The following INPP4B variants were observed in gnomAD, a reference collection of about 807,000 sequenced individuals.
INPP4B encodes inositol polyphosphate 4-phosphatase type II.
Under a neutral mutation model 122.5 loss-of-function variants are expected in INPP4B, and 55 were observed. The observed-to-expected ratio is 0.45, with a 90% CI of 0.36 to 0.56. The LOEUF is 0.56. INPP4B is among the 20% of genes least tolerant of loss of function. The pLI, the probability that INPP4B is intolerant of heterozygous loss-of-function variation, is 0.00. For synonymous variants in INPP4B, 403 were observed against 388.7 expected (o/e 1.04, Z -0.43); for missense variants, 1,000 against 1,097.7 (o/e 0.91, Z 1.26).
rs567984467 is a variant in INPP4B at position 142,236,794 on chromosome 4, A to G, written c.836+1070T>C. Among the ~76,000 whole-genome samples, 7 of 152,300 alleles carry G rather than the reference A, an allele frequency of 4.6e-5. No homozygotes were observed. The South Asian group carries it at 8.3e-4, about 18-fold the overall frequency. On this transcript the variant is annotated intron_variant, in intron 12 of 25. Transcript: ENST00000262992. ...TCAATATGGAATCCCTACGGGCTTC[A>G]GAGTCGACCAAAAGAGTAAAATACT...
In INPP4B at chr4:142,820,070, A is replaced by G. The variant is rs374869035; in HGVS notation, c.-254+26139T>C. Among the ~76,000 whole-genome samples the G allele has an allele frequency of 7.2e-5, 11 of 152,112 alleles. No individual in the cohort carries two copies. The East Asian group carries it at 1.9e-3, about 27-fold the overall frequency. ...CTCAGGCTCTGCTCCTGAAAGTCCA[A>G]CATAAAACAGTGTACCTCCAGGTTA... On this transcript the variant is annotated intron_variant, in intron 1 of 25. Transcript: ENST00000262992.
At chr4:142,095,392 T>G (rs1391895300) in intron 23 of INPP4B, among the ~76,000 whole-genome samples, 1 of 152,198 alleles carries the variant, frequency 6.6e-6, no homozygotes, top group Admixed American at 6.5e-5. Flanking sequence ...ATTTGTTAAT[T>G]GTCTTTAATT....
chr4:142,159,707 G>C (rs1203657882), intron 17 of INPP4B, among the ~76,000 whole-genome samples: 2 of 151,900 alleles, frequency 1.3e-5, no homozygotes, highest in African/African-American at 4.8e-5. Context: ...ATAACACCCT[G>C]TTCCTCTGCC....
intron 12 of INPP4B, among the ~76,000 whole-genome samples, chr4:142,225,487 G>A (rs1354695232): frequency 4.7e-5 from 7 of 150,210 alleles, no homozygotes; most frequent in African/African-American, 1.7e-4. Flanking sequence ...TATTAGTTCT[G>A]TCCCTCTAGA....
Position 142,272,259 on chromosome 4 carries a change from A to T in INPP4B, c.504-1485T>A, listed in dbSNP as rs1001294538. Among the ~76,000 whole-genome samples the T allele has an allele frequency of 6.6e-5, 10 of 152,216 alleles. No individual in the cohort carries two copies. The East Asian group carries it at 1.7e-3, about 26-fold the overall frequency. ...GTTTACCAAAATGCTAATTAAAATA[A>T]CCAATAAATTAGGTGAAAAGAAACG... On this transcript the variant is annotated intron_variant, in intron 9 of 25. Transcript: ENST00000262992.
At chr4:142,681,399 A>C (rs1758596077) in intron 2 of INPP4B, among the ~76,000 whole-genome samples, 1 of 151,894 alleles carries the variant, frequency 6.6e-6, no homozygotes, top group African/African-American at 2.4e-5. Flanking sequence ...TAAGGTCTTA[A>C]ATAGAGAAGA....
chr4:142,466,682 C>T (rs888558086), intron 2 of INPP4B, among the ~76,000 whole-genome samples: 1 of 152,136 alleles, frequency 6.6e-6, no homozygotes, highest in Non-Finnish European at 1.5e-5. Context: ...GTGCAAATAT[C>T]TAATACAATG....
chr4:142,522,143 T>G lies in INPP4B; in HGVS notation c.-190-59417A>C, dbSNP rs552843504. 3.3e-5 allele frequency among the ~76,000 whole-genome samples: 5 copies of G among 152,240 alleles called. 1 individual carries two copies. Among genetic ancestry groups the G allele is most frequent in the Admixed American group, 3.3e-4 (5 of 15,272 alleles). Reference sequence around the variant, plus strand: ...TTTTTCTTTATGATTTACCTTTGATTTTATTTACCATTTCTTTTGTTGCAT... The same window carrying G: ...TTTTTCTTTATGATTTACCTTTGATGTTATTTACCATTTCTTTTGTTGCAT... On this transcript the variant is annotated intron_variant, in intron 2 of 25. Coordinates refer to ENST00000262992, the MANE Select transcript of INPP4B (RefSeq NM_001101669.3).
chr4:142,769,355 A>G (rs1772663707), intron 1 of INPP4B, among the ~76,000 whole-genome samples: 1 of 152,162 alleles, frequency 6.6e-6, no homozygotes, highest in African/African-American at 2.4e-5. Flanking sequence ...GATGCTCTGC[A>G]AGGCACTTTG....
chr4:142,107,877 T>C (rs1787941247), intron 23 of INPP4B, among the ~76,000 whole-genome samples: 1 of 152,148 alleles, frequency 6.6e-6, no homozygotes, highest in Non-Finnish European at 1.5e-5. Context: ...TGTCTCAGAA[T>C]GAACAGCAGG....
rs370929615 is a variant in INPP4B, at chr4:142,357,588, A to G, written c.373-42826T>C. 8.5e-5 allele frequency among the ~76,000 whole-genome samples: 13 copies of G among 152,160 alleles called. No homozygotes were observed. The East Asian group carries it at 2.3e-3, about 27-fold the overall frequency. On this transcript the variant is annotated intron_variant, in intron 7 of 25. Coordinates refer to ENST00000262992, the MANE Select transcript of INPP4B (RefSeq NM_001101669.3). ...AAACCTCAGAAATAGTGAAACCTAT[A>G]GATTATGGGGAGAGGCCTCATCTTT...
intron 9 of INPP4B, among the ~76,000 whole-genome samples, chr4:142,287,958 T>C (rs780004314): frequency 1.3e-5 from 2 of 152,214 alleles, no homozygotes; most frequent in Non-Finnish European, 2.9e-5. Context: ...GGCTGCCTTC[T>C]AGCTGTGGCC....
intron 25 of INPP4B, among the ~76,000 whole-genome samples, chr4:142,042,066 G>A (rs904958373): frequency 4.0e-5 from 6 of 151,872 alleles, no homozygotes; most frequent in African/African-American, 9.7e-5. Flanking sequence ...CCATCCATCA[G>A]CAAGTCAGAC....
At chr4:142,746,065 A>T (rs895878019) in intron 1 of INPP4B, among the ~76,000 whole-genome samples, 3 of 151,996 alleles carry the variant, frequency 2.0e-5, no homozygotes, top group Non-Finnish European at 4.4e-5. Flanking sequence ...TAAGAAAAAA[A>T]TCTGAATAAC....
chr4:142,315,374 C>T (rs920103412), intron 7 of INPP4B, among the ~76,000 whole-genome samples: 1 of 151,998 alleles, frequency 6.6e-6, no homozygotes, highest in Non-Finnish European at 1.5e-5. Context: ...AAGTAATTCT[C>T]AATTGTGGGA....
At chr4:142,757,721 T>G (rs1361136753) in intron 1 of INPP4B, among the ~76,000 whole-genome samples, 1 of 112,550 alleles carries the variant, frequency 8.9e-6, no homozygotes, top group Non-Finnish European at 1.8e-5. Context: ...ATTTGGGCAA[T>G]TATGAATATA....
chr4:142,589,024 A>C (rs1116689), intron 2 of INPP4B, among the ~76,000 whole-genome samples: 1,591 of 151,986 alleles, frequency 0.01, 27 homozygotes, highest in African/African-American at 0.037. Context: ...AACAAATAGA[A>C]AACCCAGAAC....
At chr4:142,553,132 T>A (rs1425027210) in intron 2 of INPP4B, among the ~76,000 whole-genome samples, 1 of 152,212 alleles carries the variant, frequency 6.6e-6, no homozygotes, top group Non-Finnish European at 1.5e-5. Context: ...TCTCAGCTTT[T>A]TTTTAGTACT....
chr4:142,387,737 ATGAGGCTAATGT>A (rs1355058867), intron 7 of INPP4B, among the ~76,000 whole-genome samples: 2 of 152,176 alleles, frequency 1.3e-5, no homozygotes, highest in African/African-American at 4.8e-5. Flanking sequence ...AAAAGGATTC[ATGAGGCTAATGT>A]TGAGCTGTAG....
Sources: allele counts gnomAD v4.1 joint callset (sites outside exome capture counted in the v4.1 genomes callset), GRCh38; gene constraint gnomAD v4.1.1; transcripts MANE v1.5; gene names NCBI Gene and HGNC (gene_info 2026-07-23, HGNC 2026-07-21).